The following PRKN variants were observed in gnomAD, a reference collection of about 807,000 sequenced individuals.
The protein encoded by PRKN is E3 ubiquitin-protein ligase parkin.
PRKN carries 56 observed loss-of-function variants against 59.5 expected under a neutral mutation model. The ratio of observed to expected loss-of-function variants is 0.94; its 90% CI spans 0.76 to 1.18. PRKN has a LOEUF of 1.18. Ranked by LOEUF, PRKN falls within the 50% of genes most tolerant of loss-of-function variation. The pLI is 0.00. For missense variants in PRKN, 657 were observed against 596.4 expected, an observed-to-expected ratio of 1.10 and a Z score of -1.06; for synonymous variants, 250 against 222.1, an observed-to-expected ratio of 1.13 and a Z score of -1.12.
At chr6:161,929,285 G>A (rs1178085507) in intron 6 of PRKN, among the ~76,000 whole-genome samples, 4 of 152,102 alleles carry the variant, frequency 2.6e-5, no homozygotes, top group Non-Finnish European at 2.9e-5. Context: ...TATAGAGATG[G>A]AAAATAGCTT....
intron 1 of PRKN, among the ~76,000 whole-genome samples, chr6:162,591,630 T>C (rs1038740460): frequency 3.9e-5 from 6 of 152,142 alleles, no homozygotes; most frequent in Non-Finnish European, 8.8e-5. Flanking sequence ...AGCTTTTTTT[T>C]CCACAATCAA....
chr6:162,090,093 T>C (rs1779414254), intron 4 of PRKN, among the ~76,000 whole-genome samples: 1 of 152,186 alleles, frequency 6.6e-6, no homozygotes, highest in Admixed American at 6.6e-5. Flanking sequence ...AGGTGGTATC[T>C]TAGATTCCAT....
chr6:162,220,395 A>G (rs1179656763), intron 3 of PRKN, among the ~76,000 whole-genome samples: 1 of 152,186 alleles, frequency 6.6e-6, no homozygotes, highest in Admixed American at 6.5e-5. Flanking sequence ...AAGGGAGTAA[A>G]CAGGCAACTA....
rs369404858 is a variant in PRKN at position 161,497,577 on chromosome 6, T to TCTCACACACACA, written c.1083+51276_1083+51277insTGTGTGTGTGAG. On this transcript the variant is annotated intron_variant, in intron 9 of 11. Coordinates refer to ENST00000366898, the MANE Select transcript of PRKN (RefSeq NM_004562.3). The surrounding 1 kb of genome is among the most constrained non-coding windows in gnomAD (Gnocchi z 4.6). ...ATGTCTCTCTCTCTCTCTCTCTCTCTCACACACACACACACACACACCATA... is the reference window on the plus strand; with the variant it reads ...ATGTCTCTCTCTCTCTCTCTCTCTCTCTCACACACACACACACACACACACACACACACCATA... Among the ~76,000 whole-genome samples, 4 of 147,388 alleles carry TCTCACACACACA rather than the reference T, an allele frequency of 2.7e-5. No individual in the cohort carries two copies. The highest frequency in any genetic ancestry group is 1.0e-4 in the African/African-American group (4 of 39,682).
intron 4 of PRKN, among the ~76,000 whole-genome samples, chr6:162,132,588 C>T (rs559436289): frequency 3.5e-4 from 54 of 152,114 alleles, no homozygotes; most frequent in African/African-American, 1.2e-3. Flanking sequence ...ATAATAACGA[C>T]GTTGTAACTA....
At chr6:161,824,355 A>G (rs1345228559) in intron 6 of PRKN, among the ~76,000 whole-genome samples, 2 of 152,254 alleles carry the variant, frequency 1.3e-5, no homozygotes, top group African/African-American at 4.8e-5. Flanking sequence ...CATTTTGGCC[A>G]AGAATATACT....
intron 1 of PRKN, among the ~76,000 whole-genome samples, chr6:162,468,411 A>C (rs956563770): frequency 5.3e-5 from 8 of 152,334 alleles, no homozygotes; most frequent in South Asian, 2.1e-4. Context: ...ATTGACATTT[A>C]CTCAGTGTCT....
intron 4 of PRKN, among the ~76,000 whole-genome samples, chr6:162,149,782 G>A (rs2849612): frequency 0.071 from 10,739 of 152,156 alleles, 804 homozygotes; most frequent in East Asian, 0.4. Context: ...GACTGCAGCC[G>A]TCAGTGTCAC....
At chr6:162,496,794 T>C (rs1231030302) in intron 1 of PRKN, among the ~76,000 whole-genome samples, 2 of 152,208 alleles carry the variant, frequency 1.3e-5, no homozygotes, top group South Asian at 2.1e-4. Context: ...TTAGACGCAA[T>C]TGATAAATTG....
intron 1 of PRKN, among the ~76,000 whole-genome samples, chr6:162,646,212 C>T (rs191018416): frequency 1.2e-3 from 181 of 151,852 alleles, no homozygotes; most frequent in African/African-American, 4.2e-3. Context: ...CAGGTAAAAT[C>T]ACACAAAGAA....
chr6:161,636,218 G>A (rs913231867), intron 7 of PRKN, among the ~76,000 whole-genome samples: 1 of 152,226 alleles, frequency 6.6e-6, no homozygotes, highest in Non-Finnish European at 1.5e-5. Context: ...CAGCCTAGGG[G>A]AGCCGCATGT....
intron 6 of PRKN, among the ~76,000 whole-genome samples, chr6:161,868,333 C>A (rs899555492): frequency 6.6e-6 from 1 of 151,140 alleles, no homozygotes; most frequent in Non-Finnish European, 1.5e-5. Flanking sequence ...AATCCCAGCA[C>A]TTTGGGAGGC....
chr6:161,977,541 GGTTTTTT>G (rs1381800648), intron 5 of PRKN, among the ~76,000 whole-genome samples: 7 of 98,728 alleles, frequency 7.1e-5, no homozygotes, highest in Non-Finnish European at 1.1e-4. Context: ...CTGTTTTTTT[GGTTTTTT>G]TTTTTTTTTT....
intron 7 of PRKN, among the ~76,000 whole-genome samples, chr6:161,648,956 C>A (rs1784055739): frequency 6.6e-6 from 1 of 152,174 alleles, no homozygotes; most frequent in African/African-American, 2.4e-5. Flanking sequence ...TTCTGCAAGA[C>A]CTTAGTCACA....
intron 3 of PRKN, among the ~76,000 whole-genome samples, chr6:162,209,228 A>C (rs949383824): frequency 1.3e-5 from 2 of 152,166 alleles, no homozygotes; most frequent in Non-Finnish European, 2.9e-5. Context: ...GAATCTACAA[A>C]GAACTCAAAC....
At chr6:162,695,419 C>T (rs571043627) in intron 1 of PRKN, among the ~76,000 whole-genome samples, 1 of 152,058 alleles carries the variant, frequency 6.6e-6, no homozygotes, top group Non-Finnish European at 1.5e-5. Flanking sequence ...CCTATTATTC[C>T]TACTAAAATA....
intron 6 of PRKN, among the ~76,000 whole-genome samples, chr6:161,884,987 A>C (rs1795078841): frequency 6.6e-6 from 1 of 152,044 alleles, no homozygotes; most frequent in African/African-American, 2.4e-5. Flanking sequence ...AAAAAAAAAA[A>C]AAATGCTATC....
At chr6:162,144,522 G>A (rs1031422852) in intron 4 of PRKN, among the ~76,000 whole-genome samples, 1 of 152,160 alleles carries the variant, frequency 6.6e-6, no homozygotes, top group South Asian at 2.1e-4. Context: ...GGTTTATGGT[G>A]CTCCGAGCCT....
chr6:162,574,483 C>A (rs1170706542), intron 1 of PRKN, among the ~76,000 whole-genome samples: 4 of 152,076 alleles, frequency 2.6e-5, no homozygotes, highest in East Asian at 3.9e-4. Flanking sequence ...TATGGATATT[C>A]CGGTTTTTAT....
Sources: allele counts gnomAD v4.1 joint callset (sites outside exome capture counted in the v4.1 genomes callset), GRCh38; gene constraint gnomAD v4.1.1; non-coding constraint Gnocchi (gnomAD v3.1); transcripts MANE v1.5; gene names NCBI Gene and HGNC (gene_info 2026-07-23, HGNC 2026-07-21).